The following NTRK2 variants were observed in gnomAD, a reference collection of about 807,000 sequenced individuals.
The protein encoded by NTRK2 is BDNF/NT-3 growth factors receptor.
NTRK2 carries 13 observed loss-of-function variants against 94.5 expected under a neutral mutation model. The observed-to-expected ratio is 0.14, with a 90% CI of 0.09 to 0.22. The LOEUF (loss-of-function observed/expected upper bound fraction) is 0.22. Ranked by LOEUF, NTRK2 falls within the 10% of genes least tolerant of loss-of-function variation. The pLI is 1.00. For synonymous variants in NTRK2, 372 were observed against 407.4 expected, an observed-to-expected ratio of 0.91 and a Z score of 1.05; for missense variants, 639 against 1,071.2, an observed-to-expected ratio of 0.60 and a Z score of 5.63.
At position 84,909,114 on chromosome 9, in the gene NTRK2, T is replaced by C. The variant is rs577665954; in HGVS notation, c.1634-25048T>C. Among the ~76,000 whole-genome samples, 145 of 152,248 alleles carry C rather than the reference T, an allele frequency of 9.5e-4. 1 individual carries two copies. The highest frequency in any genetic ancestry group is 3.1e-3 in the African/African-American group (129 of 41,564). On this transcript the variant is annotated intron_variant, in intron 14 of 18. Transcript: ENST00000277120. Reference sequence around the variant, plus strand: ...CCATTCATAAACCCCTGGAACCCACTATTCTATTCTCCATTTCTATAAGTT... The same window carrying C: ...CCATTCATAAACCCCTGGAACCCACCATTCTATTCTCCATTTCTATAAGTT...
chr9:84,882,867 G>A (rs561747227), intron 14 of NTRK2, among the ~76,000 whole-genome samples: 3 of 152,258 alleles, frequency 2.0e-5, no homozygotes, highest in African/African-American at 4.8e-5. Flanking sequence ...GGGTTCAAGC[G>A]ATTTTCCTGC....
At chr9:84,857,956 A>G (rs1456503493) in intron 12 of NTRK2, among the ~76,000 whole-genome samples, 1 of 152,122 alleles carries the variant, frequency 6.6e-6, no homozygotes, top group Non-Finnish European at 1.5e-5. Context: ...GCTAAAACCC[A>G]TGTTCTTGGT....
chr9:85,014,372 T>A (rs954392469), intron 17 of NTRK2, among the ~76,000 whole-genome samples: 2 of 152,194 alleles, frequency 1.3e-5, no homozygotes, highest in African/African-American at 4.8e-5. Context: ...GCATTCCTCG[T>A]TAACGTGTGC....
intron 12 of NTRK2, among the ~76,000 whole-genome samples, chr9:84,769,938 G>A (rs948255975): frequency 1.3e-5 from 2 of 152,156 alleles, no homozygotes; most frequent in Admixed American, 6.5e-5. Context: ...TAAAGGAAGA[G>A]GTGACACAGA....
At chr9:84,695,054 C>CAAA (rs61049105) in intron 2 of NTRK2, among the ~76,000 whole-genome samples, 7 of 68,426 alleles carry the variant, frequency 1.0e-4, no homozygotes, top group African/African-American at 1.9e-4. Flanking sequence ...GACTCCGTCT[C>CAAA]AAAAAAAAAA....
chr9:84,949,182 G>T lies in NTRK2; in HGVS notation c.1937+548G>T, dbSNP rs759330153. On this transcript the variant is annotated intron_variant, in intron 16 of 18. Coordinates refer to ENST00000277120, the MANE Select transcript of NTRK2 (RefSeq NM_006180.6). Reference sequence around the variant, plus strand: ...ATAACCAGGAGGCCAGTAGTTCAGAGGATCTACAGTGGAAAGATCCAAATC... The same window carrying T: ...ATAACCAGGAGGCCAGTAGTTCAGATGATCTACAGTGGAAAGATCCAAATC... Among the ~76,000 whole-genome samples the T allele has an allele frequency of 2.6e-5, 4 of 152,128 alleles. No individual in the cohort carries two copies. In the East Asian group the frequency reaches 7.7e-4, roughly 29 times the overall value.
At chr9:84,887,233 C>G (rs2132263481) in intron 14 of NTRK2, among the ~76,000 whole-genome samples, 1 of 152,288 alleles carries the variant, frequency 6.6e-6, no homozygotes, top group Non-Finnish European at 1.5e-5. Flanking sequence ...CGCAAAGGCC[C>G]AAACTGGTGT....
chr9:84,907,044 C>T (rs915115016), intron 14 of NTRK2, among the ~76,000 whole-genome samples: 9 of 152,250 alleles, frequency 5.9e-5, no homozygotes, highest in African/African-American at 1.2e-4. Flanking sequence ...TGAGGGTCAC[C>T]GCACTTGTGG....
chr9:84,681,052 C>G (rs576746797), intron 2 of NTRK2, among the ~76,000 whole-genome samples: 1 of 152,272 alleles, frequency 6.6e-6, no homozygotes, highest in East Asian at 1.9e-4. Flanking sequence ...GGATTCTGTC[C>G]TATGGCTGCT....
rs979046439 is a variant in NTRK2 at position 84,959,899 on chromosome 9, G to A, written c.2172+4382G>A. ...ATGTGCCCCTTGGGTGGTTTGCACTGTTTGGTTTTAACATATGCTTAAAAT... is the reference window on the plus strand; with the variant it reads ...ATGTGCCCCTTGGGTGGTTTGCACTATTTGGTTTTAACATATGCTTAAAAT... On this transcript the variant is annotated intron_variant, in intron 17 of 18. Transcript: ENST00000277120. Among the ~76,000 whole-genome samples, 4 of 152,150 alleles carry A rather than the reference G, an allele frequency of 2.6e-5. No homozygotes were observed. In the East Asian group the frequency reaches 7.7e-4, roughly 29 times the overall value.
intron 12 of NTRK2, among the ~76,000 whole-genome samples, chr9:84,819,439 G>A (rs2072639157): frequency 1.3e-5 from 2 of 152,160 alleles, no homozygotes; most frequent in Non-Finnish European, 2.9e-5. Flanking sequence ...GTGCTTCCAG[G>A]CTTTTCAAAG....
chr9:84,959,841 C>G (rs181485356), intron 17 of NTRK2, among the ~76,000 whole-genome samples: 3 of 152,324 alleles, frequency 2.0e-5, no homozygotes, highest in Middle Eastern at 3.4e-3. Flanking sequence ...TTGGTCATGC[C>G]TGTGCCGCAT....
intron 12 of NTRK2, among the ~76,000 whole-genome samples, chr9:84,830,488 G>GGT (rs1298910795): frequency 1.3e-5 from 2 of 151,654 alleles, no homozygotes; most frequent in African/African-American, 4.8e-5. Context: ...GCAGCCTAAG[G>GGT]GTGTGTGTGT....
intron 12 of NTRK2, among the ~76,000 whole-genome samples, chr9:84,844,113 C>T (rs970495533): frequency 6.6e-6 from 1 of 152,144 alleles, no homozygotes; most frequent in Non-Finnish European, 1.5e-5. Context: ...GCCATTGATC[C>T]ATTCTAAGTA....
At position 84,821,140 on chromosome 9, in the gene NTRK2, T is replaced by G. The variant is rs576517825; in HGVS notation, c.1397-39900T>G. Among the ~76,000 whole-genome samples, 3 of 152,294 alleles carry G rather than the reference T, an allele frequency of 2.0e-5. No individual in the cohort carries two copies. In the South Asian group the frequency reaches 6.2e-4, roughly 32 times the overall value. On this transcript the variant is annotated intron_variant, in intron 12 of 18. Coordinates refer to ENST00000277120, the MANE Select transcript of NTRK2 (RefSeq NM_006180.6). ...TCTCTTTTATCTTTTTTTAAAAAAA[T>G]CATTTTCTTCTCTTTTCTTTCAGTT... is the stretch of plus-strand genomic sequence containing the variant.
intron 2 of NTRK2, among the ~76,000 whole-genome samples, chr9:84,697,354 C>A (rs1033649922): frequency 2.0e-5 from 3 of 152,104 alleles, no homozygotes; most frequent in African/African-American, 7.2e-5. Context: ...GAGCAGTGGG[C>A]CTAGGTTAGA....
At chr9:84,926,457 C>T (rs1899639) in intron 14 of NTRK2, among the ~76,000 whole-genome samples, 3 of 151,986 alleles carry the variant, frequency 2.0e-5, no homozygotes, top group African/African-American at 4.8e-5. Flanking sequence ...GTCTTGAACT[C>T]CTGACCTCAG....
intron 12 of NTRK2, among the ~76,000 whole-genome samples, chr9:84,789,500 C>T (rs2068500726): frequency 6.6e-6 from 1 of 152,140 alleles, no homozygotes; most frequent in Non-Finnish European, 1.5e-5. Flanking sequence ...GTTTGGTTAG[C>T]AAAGAAAGAC....
chr9:84,780,402 T>C (rs1025978321), intron 12 of NTRK2, among the ~76,000 whole-genome samples: 7 of 152,144 alleles, frequency 4.6e-5, no homozygotes, highest in African/African-American at 1.2e-4. Context: ...CCTGCCTTAA[T>C]GGAACACATA....
Sources: gnomAD v4.1 joint callset for allele counts (sites outside exome capture counted in the v4.1 genomes callset) on GRCh38, gnomAD v4.1.1 for gene constraint, MANE v1.5 for transcripts, NCBI Gene and HGNC (gene_info 2026-07-23, HGNC 2026-07-21) for gene names.